Variants in CSMD1 observed in about 807,000 individuals in gnomAD.
CSMD1 encodes CUB and sushi domain-containing protein 1.
Under a neutral mutation model 417.5 loss-of-function variants are expected in CSMD1, and 213 were observed. The ratio of observed to expected loss-of-function variants is 0.51; its 90% CI spans 0.46 to 0.57. CSMD1 has a LOEUF of 0.57. Ranked by LOEUF, CSMD1 falls within the 20% of genes least tolerant of loss-of-function variation. The pLI, the probability that CSMD1 is intolerant of heterozygous loss-of-function variation, is 0.00. For missense variants in CSMD1, 6,923 were observed against 4,529.7 expected (o/e 1.53, Z -15.17); for synonymous variants, 2,862 against 1,736.8 (o/e 1.65, Z -16.11).
At chr8:3,225,778 C>G (rs138169853) in intron 27 of CSMD1, among the ~76,000 whole-genome samples, 1 of 152,176 alleles carries the variant, frequency 6.6e-6, no homozygotes, top group South Asian at 2.1e-4. Context: ...AGGAGTGCTG[C>G]CTGGCCCTGT....
At chr8:3,793,754 A>G (rs981705739) in intron 5 of CSMD1, among the ~76,000 whole-genome samples, 1 of 152,018 alleles carries the variant, frequency 6.6e-6, no homozygotes, top group Non-Finnish European at 1.5e-5. Context: ...ATCTCTCTGG[A>G]ACTGGTAGGA....
At chr8:3,723,803 A>T (rs930332108) in intron 6 of CSMD1, among the ~76,000 whole-genome samples, 2 of 152,214 alleles carry the variant, frequency 1.3e-5, no homozygotes, top group Non-Finnish European at 2.9e-5. Flanking sequence ...TTTCAAAATG[A>T]CCGCAACTTA....
At position 3,439,154 on chromosome 8, in the gene CSMD1, C is replaced by CAAAAAAAAAAAAA. The variant is rs1563390150; in HGVS notation, c.1562-29550_1562-29549insTTTTTTTTTTTTT. Among the ~76,000 whole-genome samples, 194 of 26,560 alleles carry CAAAAAAAAAAAAA rather than the reference C, an allele frequency of 7.3e-3. 32 individuals are homozygous for CAAAAAAAAAAAAA. The highest frequency in any genetic ancestry group is 0.021 in the Middle Eastern group (1 of 48). 17.4% of individuals were successfully genotyped at this position (26,560 alleles called of 152,430 possible). A position where few individuals can be genotyped will look rare whatever the true frequency, so the allele number is the denominator to read the frequency against. On this transcript the variant is annotated intron_variant, in intron 12 of 69. Transcript: ENST00000635120. ...AAAAAAAAAAAAAAAAAAAAAAAAC[C>CAAAAAAAAAAAAA]AAGAAAAAAAAAAGAAAAAGAAAAA...
chr8:3,012,250 C>A (rs890791193), intron 52 of CSMD1, among the ~76,000 whole-genome samples: 4 of 152,178 alleles, frequency 2.6e-5, no homozygotes, highest in Admixed American at 2.6e-4. Flanking sequence ...AGACCAGGGA[C>A]CTAAAACACA....
Position 4,868,225 on chromosome 8 carries a change from T to C in CSMD1, c.85+126107A>G, listed in dbSNP as rs182316313. On this transcript the variant is annotated intron_variant, in intron 1 of 69. Coordinates refer to ENST00000635120, the MANE Select transcript of CSMD1 (RefSeq NM_033225.6). ...CCTGAGCCTACTCTGTATGTTATTT[T>C]ATTAGTCGTATTATTTTCTTTCCTT... Among the ~76,000 whole-genome samples, 6 of 152,232 alleles carry C rather than the reference T, an allele frequency of 3.9e-5. No individual in the cohort carries two copies. In the East Asian group the frequency reaches 1.2e-3, roughly 29 times the overall value.
intron 12 of CSMD1, among the ~76,000 whole-genome samples, chr8:3,420,038 A>G (rs1813389954): frequency 6.6e-6 from 1 of 152,158 alleles, no homozygotes; most frequent in Non-Finnish European, 1.5e-5. Context: ...CAGTGCCTAA[A>G]TAGAGCCCAG....
intron 10 of CSMD1, among the ~76,000 whole-genome samples, chr8:3,562,417 A>AACACACATGCACACACACATGCACAT: frequency 6.9e-6 from 1 of 145,446 alleles, no homozygotes; most frequent in East Asian, 2.0e-4. Context: ...CACATGCACA[A>AACACACATGCACACACACATGCACAT]ACACACATGC....
chr8:4,946,517 G>C (rs991314540), intron 1 of CSMD1, among the ~76,000 whole-genome samples: 2 of 152,094 alleles, frequency 1.3e-5, no homozygotes, highest in Non-Finnish European at 1.5e-5. Context: ...CATCCCCCCA[G>C]CTGCCTCTAA....
At chr8:3,816,943 G>A (rs911508634) in intron 5 of CSMD1, among the ~76,000 whole-genome samples, 1 of 152,038 alleles carries the variant, frequency 6.6e-6, no homozygotes, top group Non-Finnish European at 1.5e-5. Flanking sequence ...TCTAGGCAGC[G>A]AATCAAGAGA....
At chr8:4,770,115 C>A (rs905282453) in intron 1 of CSMD1, among the ~76,000 whole-genome samples, 1 of 151,430 alleles carries the variant, frequency 6.6e-6, no homozygotes, top group Non-Finnish European at 1.5e-5. Flanking sequence ...AAATACTTAA[C>A]GTTGTTACAA....
At chr8:4,582,178 G>C (rs763436473) in intron 2 of CSMD1, among the ~76,000 whole-genome samples, 2 of 151,950 alleles carry the variant, frequency 1.3e-5, no homozygotes, top group African/African-American at 4.8e-5. Context: ...AAAATTGACA[G>C]ACATGAGGTT....
At chr8:4,932,619 C>A (rs1462555889) in intron 1 of CSMD1, among the ~76,000 whole-genome samples, 1 of 152,148 alleles carries the variant, frequency 6.6e-6, no homozygotes, top group African/African-American at 2.4e-5. Flanking sequence ...AACAGGGTAG[C>A]AAGTTGACGT....
rs1554518068 is a variant in CSMD1, at chr8:4,912,135, A to AAAAAAGAAAAAAG, written c.85+82196_85+82197insCTTTTTTCTTTTT. The stretch of plus-strand genomic sequence containing the variant: ...TCAACATAGCTTCAAAAAAAAAAAA[A>AAAAAAGAAAAAAG]AAAAAAGAAAGAAAGAAAAGAAAAG... On this transcript the variant is annotated intron_variant, in intron 1 of 69. Transcript: ENST00000635120. 1.2e-3 allele frequency among the ~76,000 whole-genome samples: 143 copies of AAAAAAGAAAAAAG among 115,662 alleles called. 2 individuals carry two copies. Among genetic ancestry groups the AAAAAAGAAAAAAG allele is most frequent in the African/African-American group, 2.8e-3 (95 of 34,324 alleles). The allele number at this position is 115,662 out of a possible 152,430, so 75.9% of individuals were successfully genotyped here.
rs376751065 is a variant in CSMD1 at position 4,468,981 on chromosome 8, T to C, written c.303-48916A>G. ...TCAAGAGCATGATGTGAGATGGGTA[T>C]AGTTCTCTTATCAGAGACTCTAAAA... is the stretch of plus-strand genomic sequence containing the variant. On this transcript the variant is annotated intron_variant, in intron 2 of 69. Transcript: ENST00000635120. 1.1e-3 allele frequency among the ~76,000 whole-genome samples: 166 copies of C among 152,328 alleles called. 1 individual carries two copies. In the South Asian group the frequency reaches 0.015, roughly 13 times the overall value.
intron 21 of CSMD1, among the ~76,000 whole-genome samples, chr8:3,348,752 TGAAG>T (rs751314034): frequency 2.0e-5 from 3 of 152,148 alleles, no homozygotes; most frequent in African/African-American, 4.8e-5. Context: ...TCTTTCCCAA[TGAAG>T]GAAGAGAAAA....
At position 3,851,691 on chromosome 8, in the gene CSMD1, A is replaced by G. The variant is rs145799462; in HGVS notation, c.819-97649T>C. The stretch of plus-strand genomic sequence containing the variant: ...AAAGAAAAGGGTGAATAGCAGAAGA[A>G]AAGAGAAAAAAGCAGAAGATAAATA... On this transcript the variant is annotated intron_variant, in intron 5 of 69. Transcript: ENST00000635120. Among the ~76,000 whole-genome samples the G allele has an allele frequency of 4.5e-3, 688 of 152,314 alleles. 4 individuals are homozygous for G. The highest frequency in any genetic ancestry group is 0.015 in the African/African-American group (611 of 41,580).
At chr8:3,052,127 G>C (rs760487335) in intron 50 of CSMD1, among the ~76,000 whole-genome samples, 2 of 152,132 alleles carry the variant, frequency 1.3e-5, no homozygotes, top group Non-Finnish European at 2.9e-5. Context: ...CTTGAGTACA[G>C]TCTTATTGCA....
At chr8:4,910,294 G>C (rs965399055) in intron 1 of CSMD1, among the ~76,000 whole-genome samples, 58 of 152,154 alleles carry the variant, frequency 3.8e-4, no homozygotes, top group African/African-American at 1.3e-3. Flanking sequence ...CATATATCTT[G>C]ATTTATACAA....
intron 2 of CSMD1, among the ~76,000 whole-genome samples, chr8:4,467,037 GT>G (rs1800215697): frequency 7.0e-6 from 1 of 142,302 alleles, no homozygotes; most frequent in Non-Finnish European, 1.5e-5. Flanking sequence ...ACAAAAGTCT[GT>G]TTCATGGCAG....
Sources: gnomAD v4.1 joint callset for allele counts (sites outside exome capture counted in the v4.1 genomes callset) on GRCh38, gnomAD v4.1.1 for gene constraint, MANE v1.5 for transcripts, NCBI Gene and HGNC (gene_info 2026-07-23, HGNC 2026-07-21) for gene names.